Variants in MACF1 observed in about 807,000 individuals in gnomAD.
MACF1 encodes the protein microtubule-actin cross-linking factor 1.
In MACF1, 193 loss-of-function variants were observed where a neutral mutation model predicts 854.8. The ratio of observed to expected loss-of-function variants is 0.23; its 90% CI spans 0.20 to 0.25. MACF1 has a LOEUF of 0.25. Ranked by LOEUF, MACF1 falls within the 10% of genes least tolerant of loss-of-function variation. MACF1 has a pLI of 1.00. For missense variants in MACF1, 7,722 were observed against 8,929.1 expected (o/e 0.86, Z 5.45); for synonymous variants, 3,185 against 3,226.7 (o/e 0.99, Z 0.44).
At position 39,219,965 on chromosome 1, in the gene MACF1, A is replaced by T. The variant is rs183978867; in HGVS notation, c.110-11217A>T. ...GGGGTTTTGCCATGTTGGCCAGGCT[A>T]GTCTCGAACTCCTGACCTCAGGTGA... On this transcript the variant is annotated intron_variant, in intron 1 of 100. Coordinates refer to ENST00000564288, the MANE Select transcript of MACF1 (RefSeq NM_001394062.1). 6.6e-3 allele frequency among the ~76,000 whole-genome samples: 998 copies of T among 151,730 alleles called. 11 individuals carry two copies. Among genetic ancestry groups the T allele is most frequent in the African/African-American group, 0.023 (945 of 41,398 alleles).
rs538332504 is a variant in MACF1, at chr1:39,105,068, G to A, written c.220+20630G>A. On this transcript the variant is annotated intron_variant, in intron 2 of 93. Transcript: ENST00000361689. The surrounding 1 kb of genome is among the most constrained non-coding windows in gnomAD (Gnocchi z 5.9). ...TGGAGCCGGCCCGGGTCTCCCTGCC[G>A]TTCGGCCGGCCCAGCCTTTCATCCT... Among the ~76,000 whole-genome samples the A allele has an allele frequency of 6.6e-6, 1 of 152,170 alleles. No homozygotes were observed. The highest frequency in any genetic ancestry group is 1.5e-5 in the Non-Finnish European group (1 of 68,002).
At chr1:39,304,592 C>G (rs1302803654) in intron 23 of MACF1, 1 of 714,532 alleles carries the variant, frequency 1.4e-6, no homozygotes, top group African/African-American at 1.8e-5. Flanking sequence ...GAGACAGAGC[C>G]TTGCTCTGTC....
At chr1:39,406,738 C>CAAAAAAA (rs5773658) in intron 58 of MACF1, among the ~76,000 whole-genome samples, 5 of 31,572 alleles carry the variant, frequency 1.6e-4, no homozygotes, top group African/African-American at 3.0e-4. Flanking sequence ...GAGTCTCACT[C>CAAAAAAA]AAAAAAAAAA....
At chr1:39,465,606 T>C (rs1644651556) in intron 95 of MACF1, among the ~76,000 whole-genome samples, 1 of 152,186 alleles carries the variant, frequency 6.6e-6, no homozygotes, top group Non-Finnish European at 1.5e-5. Context: ...GGCCGTGGCC[T>C]GAAGTATGCT....
At chr1:39,123,717 G>T (rs373998006) in intron 2 of MACF1, among the ~76,000 whole-genome samples, 19,651 of 100,404 alleles carry the variant, frequency 0.2, 2,120 homozygotes, top group Middle Eastern at 0.29. Flanking sequence ...TTCTTGTTTT[G>T]TTTTTTTTTT....
chr1:39,322,816 A>C lies in MACF1; in HGVS notation c.4138-94A>C, dbSNP rs1571334021. ...GATTTAGGGCTCACTTTTCTGGTGAACATGTGACTGCATGAACATTTCCTC... is the reference window on the plus strand; with the variant it reads ...GATTTAGGGCTCACTTTTCTGGTGACCATGTGACTGCATGAACATTTCCTC... On this transcript the variant is annotated intron_variant, in intron 32 of 100. Coordinates refer to ENST00000564288, the MANE Select transcript of MACF1 (RefSeq NM_001394062.1). The C allele has an allele frequency of 2.7e-6, 4 of 1,493,906 alleles. No individual in the cohort carries two copies. The East Asian group carries it at 9.0e-5, about 34-fold the overall frequency. 92.5% of individuals were successfully genotyped at this position (1,493,906 alleles called of 1,614,324 possible). A position where few individuals can be genotyped will look rare whatever the true frequency, so the allele number is the denominator to read the frequency against.
intron 95 of MACF1, chr1:39,468,069 G>C (rs1227912436): frequency 6.6e-6 from 1 of 152,304 alleles, no homozygotes; most frequent in Non-Finnish European, 1.5e-5. Context: ...GCAGTGGTGT[G>C]ACCATTAAAA....
intron 24 of MACF1, 142 bp downstream of exon 24, chr1:39,309,838 G>A (rs1646262352): frequency 1.2e-6 from 1 of 824,974 alleles, no homozygotes; most frequent in South Asian, 2.0e-5. Flanking sequence ...TTCGAGACCT[G>A]AGGTTCTTAC....
rs1428699449 is a variant in MACF1 at position 39,204,970 on chromosome 1, G to A, written c.-53G>A. On this transcript the variant is annotated 5_prime_UTR_variant, in exon 1 of 101. Transcript: ENST00000564288. ...AACCTCAGGAGAAAGGCATCCAGAG[G>A]CCTGCGCTGAGCTTGTGGCTAACTC... is the stretch of plus-strand genomic sequence containing the variant. 5.7e-6 allele frequency: 4 copies of A among 701,478 alleles called. No individual in the cohort carries two copies. In the African/African-American group the frequency reaches 7.0e-5, roughly 12 times the overall value. The allele number at this position is 701,478 out of a possible 1,614,324, so 43.5% of individuals were successfully genotyped here. A position where few individuals can be genotyped will look rare whatever the true frequency, so the allele number is the denominator to read the frequency against.
At chr1:39,170,464 A>G (rs561431777) in intron 2 of MACF1, among the ~76,000 whole-genome samples, 2 of 152,338 alleles carry the variant, frequency 1.3e-5, no homozygotes, top group Admixed American at 6.5e-5. Context: ...TAAACAACAC[A>G]GAAACAAGAC....
At chr1:39,403,013 G>A (rs933236568) in intron 58 of MACF1, among the ~76,000 whole-genome samples, 1 of 151,692 alleles carries the variant, frequency 6.6e-6, no homozygotes, top group Non-Finnish European at 1.5e-5. Context: ...TATGGGGAAA[G>A]GCTTCCAAAT....
chr1:39,421,386 C>T (rs982684939), intron 58 of MACF1, among the ~76,000 whole-genome samples: 7 of 152,156 alleles, frequency 4.6e-5, no homozygotes, highest in Admixed American at 2.0e-4. Context: ...GTATCTTACT[C>T]AGAGTGTGTG....
intron 36 of MACF1, among the ~76,000 whole-genome samples, chr1:39,329,672 G>A (rs886473725): frequency 6.6e-6 from 1 of 152,158 alleles, no homozygotes; most frequent in African/African-American, 2.4e-5. Context: ...AACATGAAAA[G>A]AAGAGCTGAA....
intron 50 of MACF1, among the ~76,000 whole-genome samples, chr1:39,369,486 T>G (rs1289698450): frequency 6.6e-6 from 1 of 152,218 alleles, no homozygotes; most frequent in Non-Finnish European, 1.5e-5. Context: ...GCCTTTTTAC[T>G]GTATGAGGAA....
intron 6 of MACF1, among the ~76,000 whole-genome samples, chr1:39,275,079 C>CT (rs765812955): frequency 0.16 from 22,209 of 138,038 alleles, 2,208 homozygotes; most frequent in Non-Finnish European, 0.21. Flanking sequence ...CAATAAGATA[C>CT]TTTTTTTTTT....
intron 37 of MACF1, among the ~76,000 whole-genome samples, chr1:39,336,979 C>T (rs554321219): frequency 2.6e-5 from 4 of 152,162 alleles, no homozygotes; most frequent in Non-Finnish European, 5.9e-5. Context: ...AGATTGATAG[C>T]TCTGAGCTTC....
intron 2 of MACF1, among the ~76,000 whole-genome samples, chr1:39,153,330 A>G (rs924150538): frequency 2.0e-5 from 3 of 152,186 alleles, no homozygotes; most frequent in Admixed American, 6.5e-5. Flanking sequence ...CTGAGGTCCT[A>G]TAGGTACAGA....
chr1:39,213,955 A>G (rs1644546463), intron 1 of MACF1, among the ~76,000 whole-genome samples: 1 of 152,188 alleles, frequency 6.6e-6, no homozygotes, highest in Non-Finnish European at 1.5e-5. Context: ...TTGGGAGTGA[A>G]GTTGTCAAGC....
At chr1:39,269,660 A>G in intron 6 of MACF1, 4 of 1,289,794 alleles carry the variant, frequency 3.1e-6, no homozygotes, top group Non-Finnish European at 4.0e-6. Context: ...CTTCCTTCTC[A>G]GAAGAGGATG....
Sources: allele counts gnomAD v4.1 joint callset (sites outside exome capture counted in the v4.1 genomes callset), GRCh38; gene constraint gnomAD v4.1.1; non-coding constraint Gnocchi (gnomAD v3.1); transcripts MANE v1.5; gene names NCBI Gene and HGNC (gene_info 2026-07-23, HGNC 2026-07-21).